CAMK2A: variants seen among roughly 807,000 people sequenced by gnomAD.
CAMK2A encodes the protein calcium/calmodulin dependent protein kinase II alpha.
Under a neutral mutation model 79.2 loss-of-function variants are expected in CAMK2A, and 7 were observed. The observed-to-expected ratio is 0.09, with a 90% confidence interval of 0.05 to 0.17. The LOEUF (loss-of-function observed/expected upper bound fraction) is 0.17. Ranked by LOEUF, CAMK2A falls within the 10% of genes least tolerant of loss-of-function variation. The pLI is 1.00. For synonymous variants in CAMK2A, 242 were observed against 251.7 expected (o/e 0.96, Z 0.36); for missense variants, 214 against 646.4 (o/e 0.33, Z 7.25).
At chr5:150,252,639 C>T (rs1206384384) in intron 7 of CAMK2A, among the ~76,000 whole-genome samples, 1 of 152,172 alleles carries the variant, frequency 6.6e-6, no homozygotes, top group East Asian at 1.9e-4. Context: ...GGTTGTTGAG[C>T]CGGTCAGTTC....
chr5:150,249,818 G>A (rs1755749256), intron 11 of CAMK2A, among the ~76,000 whole-genome samples: 1 of 152,142 alleles, frequency 6.6e-6, no homozygotes, highest in Non-Finnish European at 1.5e-5. Context: ...AAAGTGTTGG[G>A]ATTACAGGCA....
At chr5:150,286,902 T>C (rs968330790) in intron 1 of CAMK2A, among the ~76,000 whole-genome samples, 1 of 152,266 alleles carries the variant, frequency 6.6e-6, no homozygotes, top group Admixed American at 6.5e-5. Context: ...GGGCCTGTCA[T>C]GTGCCAGGCT....
chr5:150,258,373 C>T (rs1756150949), intron 3 of CAMK2A, among the ~76,000 whole-genome samples: 1 of 152,202 alleles, frequency 6.6e-6, no homozygotes, highest in Non-Finnish European at 1.5e-5. Flanking sequence ...CATCCTTCCC[C>T]GCACCACAGC....
chr5:150,278,929 G>A (rs1382009052), intron 1 of CAMK2A, among the ~76,000 whole-genome samples: 2 of 152,308 alleles, frequency 1.3e-5, no homozygotes, highest in East Asian at 3.9e-4. Context: ...AGGGAGGGGT[G>A]TGTGGGGGGA....
Position 150,245,190 on chromosome 5 carries a change from C to T in CAMK2A, c.955G>A (p.Gly319Arg). The change falls in exon 13 of 19, where the codon GGG becomes AGG. Residue 319 changes from glycine to arginine, a missense_variant. Physicochemically the swap from Gly to Arg is moderately radical, Grantham distance 125. Coordinates refer to ENST00000671881, the MANE Select transcript of CAMK2A (RefSeq NM_015981.4). ...ATRNFSGGKS[G>R]GNKKSDGVKK... ...ACACCATCGCTCTTCTTGTTTCCCCCACTCTTCCCTCCTGTGGAGGAGAAA... is the reference window on the plus strand; with the variant it reads ...ACACCATCGCTCTTCTTGTTTCCCCTACTCTTCCCTCCTGTGGAGGAGAAA... The T allele has an allele frequency of 6.2e-7, 1 of 1,614,120 alleles. No homozygotes were observed. The highest frequency in any genetic ancestry group is 2.2e-5 in the East Asian group (1 of 44,858).
rs184860162 is a variant in CAMK2A, at chr5:150,289,633, C to A, written c.-8G>T. The A allele has an allele frequency of 6.2e-7, 1 of 1,613,212 alleles. No individual in the cohort carries two copies. The highest frequency in any genetic ancestry group is 8.5e-7 in the Non-Finnish European group (1 of 1,179,398). ...GCAGGTGATGGTGGCCATCCTGGCG[C>A]TGGGCAGGCAGGTGAGGCTTGGGAC... is the stretch of plus-strand genomic sequence containing the variant. On this transcript the variant is annotated 5_prime_UTR_variant, in exon 1 of 19. Transcript: ENST00000671881.
intron 17 of CAMK2A, among the ~76,000 whole-genome samples, chr5:150,224,011 G>GA (rs1216366401): frequency 6.6e-6 from 1 of 152,148 alleles, no homozygotes; most frequent in Non-Finnish European, 1.5e-5. Context: ...TTAGAACCTT[G>GA]AAATGATAAG....
chr5:150,235,719 C>T (rs1020024799), intron 15 of CAMK2A, among the ~76,000 whole-genome samples: 3 of 152,190 alleles, frequency 2.0e-5, no homozygotes, highest in Admixed American at 2.0e-4. Context: ...TTTCTCTCCT[C>T]AGGGGACGAT....
chr5:150,226,714 G>A (rs550354540), intron 17 of CAMK2A, among the ~76,000 whole-genome samples: 1 of 115,598 alleles, frequency 8.7e-6, no homozygotes, highest in African/African-American at 3.2e-5. Flanking sequence ...TCCAGCCTGG[G>A]CAAGAGTGAG....
chr5:150,269,037 A>G (rs113925145), intron 2 of CAMK2A, among the ~76,000 whole-genome samples: 5,165 of 152,050 alleles, frequency 0.034, 288 homozygotes, highest in African/African-American at 0.12. Flanking sequence ...AAGTGCTGGG[A>G]TTAAAGACAT....
chr5:150,273,558 A>AC (rs1316534071), intron 1 of CAMK2A, among the ~76,000 whole-genome samples: 1 of 151,178 alleles, frequency 6.6e-6, no homozygotes, highest in Non-Finnish European at 1.5e-5. Flanking sequence ...TAGTAAAATG[A>AC]CCCCCTCCCG....
chr5:150,245,643 G>A (rs536003867), intron 12 of CAMK2A, among the ~76,000 whole-genome samples: 1 of 152,320 alleles, frequency 6.6e-6, no homozygotes, highest in South Asian at 2.1e-4. Flanking sequence ...GAGGTCATGT[G>A]TCAGCCCTGC....
At chr5:150,279,368 T>C (rs567912111) in intron 1 of CAMK2A, among the ~76,000 whole-genome samples, 1 of 152,324 alleles carries the variant, frequency 6.6e-6, no homozygotes, top group Non-Finnish European at 1.5e-5. Context: ...CAGCTACTTC[T>C]TCCTAGCAAG....
intron 2 of CAMK2A, among the ~76,000 whole-genome samples, chr5:150,268,265 C>T (rs1190724197): frequency 6.6e-6 from 1 of 152,174 alleles, no homozygotes; most frequent in Non-Finnish European, 1.5e-5. Flanking sequence ...AATCCAAACT[C>T]CTCACTGGGT....
At chr5:150,279,506 T>G (rs539125216) in intron 1 of CAMK2A, among the ~76,000 whole-genome samples, 6 of 152,320 alleles carry the variant, frequency 3.9e-5, no homozygotes, top group African/African-American at 7.2e-5. Flanking sequence ...GCAGAGTCCC[T>G]GGGGTATAGT....
chr5:150,222,693 G>A lies in CAMK2A; in HGVS notation c.*17C>T, dbSNP rs563702310. Reference sequence around the variant, plus strand: ...GATCTCTGCGGCACAGCAACGCAGCGACCCCAGCCTGGTCCCTCAGCTGTA... The same window carrying A: ...GATCTCTGCGGCACAGCAACGCAGCAACCCCAGCCTGGTCCCTCAGCTGTA... On this transcript the variant is annotated 3_prime_UTR_variant, in exon 19 of 19. Transcript: ENST00000671881. 6.9e-5 allele frequency: 111 copies of A among 1,613,668 alleles called. 2 individuals are homozygous for A. In the East Asian group the frequency reaches 1.0e-3, roughly 15 times the overall value.
At chr5:150,270,377 C>G (rs555347278) in intron 2 of CAMK2A, among the ~76,000 whole-genome samples, 1 of 152,270 alleles carries the variant, frequency 6.6e-6, no homozygotes, top group Admixed American at 6.5e-5. Flanking sequence ...GTTTATACTA[C>G]GAACATTTTT....
chr5:150,247,128 T>C (rs1030394946), intron 12 of CAMK2A, among the ~76,000 whole-genome samples: 3 of 152,250 alleles, frequency 2.0e-5, no homozygotes, highest in African/African-American at 7.2e-5. Context: ...CTCCCTGCCT[T>C]AACCAGCCCA....
In CAMK2A at chr5:150,219,870, T is replaced by TTTATTATTATTATTATTA. The variant is rs147490193; in HGVS notation, c.*2822_*2839dup. 3.6e-5 allele frequency: 5 copies of TTTATTATTATTATTATTA among 138,802 alleles called. No homozygotes were observed. The highest frequency in any genetic ancestry group is 1.3e-4 in the African/African-American group (5 of 39,384). The allele number at this position is 138,802 out of a possible 1,614,324, so 8.6% of individuals were successfully genotyped here. On this transcript the variant is annotated 3_prime_UTR_variant, in exon 19 of 19. Coordinates refer to ENST00000671881, the MANE Select transcript of CAMK2A (RefSeq NM_015981.4). ...TTGGGTTTGGATTTTTATTTATTTA[T>TTTATTATTATTATTATTA]TTATTATTATTATTATTATTATTTT...
Sources: allele counts gnomAD v4.1 joint callset (sites outside exome capture counted in the v4.1 genomes callset), GRCh38; gene constraint gnomAD v4.1.1; transcripts MANE v1.5; gene names NCBI Gene and HGNC (gene_info 2026-07-23, HGNC 2026-07-21).